CELF4: variants seen among roughly 807,000 people sequenced by gnomAD.
The protein encoded by CELF4 is CUG-BP- and ETR-3-like factor 4.
A neutral mutation model predicts 59.9 loss-of-function variants in CELF4; 18 were observed. The ratio of observed to expected loss-of-function variants is 0.30; its 90% CI spans 0.21 to 0.45. The LOEUF is 0.45. Ranked by LOEUF, CELF4 falls within the 20% of genes least tolerant of loss-of-function variation. The pLI is 1.00. For synonymous variants in CELF4, 261 were observed against 267.1 expected (o/e 0.98, Z 0.22); for missense variants, 456 against 689.0 (o/e 0.66, Z 3.79).
chr18:37,388,302 C>T (rs1487870214), intron 2 of CELF4, among the ~76,000 whole-genome samples: 1 of 152,064 alleles, frequency 6.6e-6, no homozygotes, highest in Non-Finnish European at 1.5e-5. Context: ...GTCCCTTCTC[C>T]CCAAACAGGC....
In CELF4 at chr18:37,270,840, C is replaced by T. The variant is rs773175289; in HGVS notation, c.1027G>A (p.Gly343Ser). Residue 343 changes from glycine to serine, a missense_variant, in exon 8 of 13, where the codon GGC becomes AGC. Gly to Ser is a moderately conservative substitution (Grantham distance 56). Transcript: ENST00000420428. Reference sequence around the variant, plus strand: ...TGCCCATTGGCCTGTGGGGGGAGGCCGGTGAAGCCATTCACCCCAATGGGG... The same window carrying T: ...TGCCCATTGGCCTGTGGGGGGAGGCTGGTGAAGCCATTCACCCCAATGGGG... ...PSPIGVNGFT[G>S]LPPQANGQPA... 63 of 1,613,674 alleles carry T rather than the reference C, an allele frequency of 3.9e-5. No homozygotes were observed. In the East Asian group the frequency reaches 6.0e-4, roughly 15 times the overall value.
intron 2 of CELF4, among the ~76,000 whole-genome samples, chr18:37,424,071 G>A (rs954550878): frequency 1.3e-5 from 2 of 151,726 alleles, no homozygotes; most frequent in African/African-American, 4.8e-5. Context: ...CTATCAGGTT[G>A]GTGCAAAAGA....
rs559422768 is a variant in CELF4 at position 37,503,436 on chromosome 18, G to A, written c.287-17829C>T. On this transcript the variant is annotated intron_variant, in intron 1 of 12. Coordinates refer to ENST00000420428, the MANE Select transcript of CELF4 (RefSeq NM_020180.4). ...TGCCCAGAGCCTGCTGTCGAGTCAC[G>A]AGTGCTGTCCCAACCTTGCCCAGTC... Among the ~76,000 whole-genome samples the A allele has an allele frequency of 3.9e-5, 6 of 152,270 alleles. No homozygotes were observed. In the East Asian group the frequency reaches 7.7e-4, roughly 20 times the overall value.
intron 2 of CELF4, among the ~76,000 whole-genome samples, chr18:37,476,325 C>T (rs550613060): frequency 6.6e-6 from 1 of 152,364 alleles, no homozygotes; most frequent in South Asian, 2.1e-4. Context: ...GCACACCAGG[C>T]TCACCATTAA....
At chr18:37,265,353 G>A (rs913082609) in intron 9 of CELF4, among the ~76,000 whole-genome samples, 1 of 152,170 alleles carries the variant, frequency 6.6e-6, no homozygotes, top group African/African-American at 2.4e-5. Flanking sequence ...TGAACCACAT[G>A]TGTGCATAAC....
intron 2 of CELF4, among the ~76,000 whole-genome samples, chr18:37,429,215 C>T (rs1183658928): frequency 1.3e-5 from 2 of 152,166 alleles, no homozygotes; most frequent in South Asian, 2.1e-4. Flanking sequence ...TCTACCTTGA[C>T]TCCTGACAAC....
chr18:37,399,536 C>T (rs1455519099), intron 2 of CELF4, among the ~76,000 whole-genome samples: 1 of 152,190 alleles, frequency 6.6e-6, no homozygotes, highest in Non-Finnish European at 1.5e-5. Flanking sequence ...CAATCACCAA[C>T]ACAATGCCTG....
chr18:37,468,166 T>C (rs1374941749), intron 2 of CELF4, among the ~76,000 whole-genome samples: 1 of 152,226 alleles, frequency 6.6e-6, no homozygotes, highest in African/African-American at 2.4e-5. Flanking sequence ...TGACTCGGGC[T>C]GTCAGGGGGC....
chr18:37,315,431 G>C (rs921905594), intron 3 of CELF4, among the ~76,000 whole-genome samples: 5 of 152,128 alleles, frequency 3.3e-5, no homozygotes, highest in Admixed American at 6.5e-5. Flanking sequence ...CAGCCACCTT[G>C]CTGGCTTTTC....
At chr18:37,337,312 G>A (rs1454282511) in intron 2 of CELF4, among the ~76,000 whole-genome samples, 1 of 152,166 alleles carries the variant, frequency 6.6e-6, no homozygotes, top group Non-Finnish European at 1.5e-5. Context: ...CTCCCCTTGA[G>A]ATTCTCCCCA....
chr18:37,328,238 G>T (rs1280153805), intron 2 of CELF4, among the ~76,000 whole-genome samples: 2 of 152,184 alleles, frequency 1.3e-5, no homozygotes, highest in Non-Finnish European at 2.9e-5. Flanking sequence ...AGAAGCAGGG[G>T]GATTCGCATT....
chr18:37,425,025 C>T (rs1018249820), intron 2 of CELF4, among the ~76,000 whole-genome samples: 3 of 152,256 alleles, frequency 2.0e-5, no homozygotes, highest in African/African-American at 7.2e-5. Flanking sequence ...TCTTAGCTCT[C>T]TGCCCCTCTC....
rs979762984 is a variant in CELF4 at position 37,491,698 on chromosome 18, A to AGGCAGCGTG, written c.287-6100_287-6092dup. On this transcript the variant is annotated intron_variant, in intron 1 of 12. Transcript: ENST00000420428. Reference sequence around the variant, plus strand: ...GGTGAGCACTGGGCCAGGGAGAGGCAGGCAGCGTGGGCAGCGGGAGGGTGC... The same window carrying AGGCAGCGTG: ...GGTGAGCACTGGGCCAGGGAGAGGCAGGCAGCGTGGGCAGCGTGGGCAGCGGGAGGGTGC... Among the ~76,000 whole-genome samples, 33 of 152,298 alleles carry AGGCAGCGTG rather than the reference A, an allele frequency of 2.2e-4. No homozygotes were observed. In the South Asian group the frequency reaches 3.7e-3, roughly 17 times the overall value.
At chr18:37,407,584 TGG>T (rs1569568967) in intron 2 of CELF4, among the ~76,000 whole-genome samples, 1 of 102,880 alleles carries the variant, frequency 9.7e-6, no homozygotes. Context: ...TGTATGTGTG[TGG>T]GTATATGTGT....
chr18:37,448,257 C>T (rs2099753642), intron 2 of CELF4, among the ~76,000 whole-genome samples: 1 of 152,182 alleles, frequency 6.6e-6, no homozygotes, highest in African/African-American at 2.4e-5. Flanking sequence ...AGCCTGAAGC[C>T]CGGGCAGTTC....
chr18:37,259,083 T>C, intron 11 of CELF4, 98 bp downstream of exon 11: 1 of 1,588,114 alleles, frequency 6.3e-7, no homozygotes, highest in Non-Finnish European at 8.6e-7. Context: ...CACCGCCCTG[T>C]CCTAGGTGAA....
At chr18:37,331,102 GC>G (rs1190902305) in intron 2 of CELF4, among the ~76,000 whole-genome samples, 1 of 152,152 alleles carries the variant, frequency 6.6e-6, no homozygotes, top group African/African-American at 2.4e-5. Flanking sequence ...CGGCACGTAG[GC>G]CCTGTCAGCT....
intron 2 of CELF4, among the ~76,000 whole-genome samples, chr18:37,452,406 C>T (rs1413052734): frequency 6.6e-6 from 1 of 151,996 alleles, no homozygotes; most frequent in African/African-American, 2.4e-5. Flanking sequence ...CTCAAGGAAC[C>T]CCAAGGTGGA....
At chr18:37,390,779 G>A (rs1257493738) in intron 2 of CELF4, among the ~76,000 whole-genome samples, 4 of 144,644 alleles carry the variant, frequency 2.8e-5, no homozygotes, top group South Asian at 4.8e-4. Context: ...GGGTGGACGG[G>A]AAGGCTGGTG....
Sources: gnomAD v4.1 joint callset for allele counts (sites outside exome capture counted in the v4.1 genomes callset) on GRCh38, gnomAD v4.1.1 for gene constraint, MANE v1.5 for transcripts, NCBI Gene and HGNC (gene_info 2026-07-23, HGNC 2026-07-21) for gene names.